The following TXLNB variants were observed in gnomAD, a reference collection of about 807,000 sequenced individuals.
TXLNB encodes beta-taxilin.
Under a neutral mutation model 57.4 loss-of-function variants are expected in TXLNB, and 37 were observed. That is an observed-to-expected ratio of 0.64 (90% CI 0.50 to 0.85). TXLNB has a LOEUF of 0.85. TXLNB is among the 40% of genes least tolerant of loss of function. The pLI, the probability that TXLNB is intolerant of heterozygous loss-of-function variation, is 0.00. For synonymous variants in TXLNB, 302 were observed against 309.6 expected, an observed-to-expected ratio of 0.98 and a Z score of 0.26; for missense variants, 848 against 825.6, an observed-to-expected ratio of 1.03 and a Z score of -0.33.
At chr6:139,318,371 A>G in the TXLNB span, among the ~76,000 whole-genome samples, 1 of 152,038 alleles carries the variant, frequency 6.6e-6, no homozygotes, top group East Asian at 1.9e-4. Context: ...AGATATATGA[A>G]AAGTGGTGAT....
chr6:139,322,312 C>T, the TXLNB span, among the ~76,000 whole-genome samples: 10 of 152,266 alleles, frequency 6.6e-5, no homozygotes, highest in Admixed American at 2.6e-4. Context: ...TTGTTGCATC[C>T]TCACATGGCA....
chr6:139,305,814 C>T, the TXLNB span, among the ~76,000 whole-genome samples: 8 of 152,194 alleles, frequency 5.3e-5, no homozygotes, highest in Middle Eastern at 6.8e-3. Flanking sequence ...GGGAAAGGAT[C>T]CAGATCCTCC....
At chr6:139,321,133 T>G in the TXLNB span, among the ~76,000 whole-genome samples, 4 of 152,204 alleles carry the variant, frequency 2.6e-5, no homozygotes, top group Admixed American at 2.6e-4. Flanking sequence ...AGCCTGTCAG[T>G]GTAGAAGTGC....
the TXLNB span, among the ~76,000 whole-genome samples, chr6:139,161,767 G>A: frequency 2.0e-5 from 3 of 152,324 alleles, no homozygotes; most frequent in East Asian, 5.8e-4. Context: ...TCTTGGGTTA[G>A]TAAAATTTGG....
chr6:139,234,831 C>A, the TXLNB span, among the ~76,000 whole-genome samples: 4 of 152,140 alleles, frequency 2.6e-5, no homozygotes, highest in Non-Finnish European at 4.4e-5. Context: ...GGTAGATCCA[C>A]CAACAGCCTG....
At chr6:139,256,762 T>C (rs772312029) in intron 6 of TXLNB, among the ~76,000 whole-genome samples, 3 of 152,250 alleles carry the variant, frequency 2.0e-5, no homozygotes, top group Non-Finnish European at 4.4e-5. Context: ...GCTTCTAACA[T>C]GCATCAGAAT....
At chr6:139,297,124 T>C in the TXLNB span, among the ~76,000 whole-genome samples, 1 of 152,148 alleles carries the variant, frequency 6.6e-6, no homozygotes, top group Non-Finnish European at 1.5e-5. Flanking sequence ...TTTACCACTA[T>C]GTATTGTGTT....
chr6:139,172,263 C>A, the TXLNB span, among the ~76,000 whole-genome samples: 2 of 152,194 alleles, frequency 1.3e-5, no homozygotes, highest in Non-Finnish European at 2.9e-5. Context: ...TGTGCCTAGC[C>A]TGATCATGTG....
chr6:139,198,359 C>T, the TXLNB span, among the ~76,000 whole-genome samples: 10 of 152,060 alleles, frequency 6.6e-5, no homozygotes, highest in African/African-American at 2.2e-4. Context: ...CTCCTTCTTG[C>T]TTCCTGGAAA....
At chr6:139,237,187 C>T (rs964150982), downstream of TXLNB, among the ~76,000 whole-genome samples, 1 of 152,076 alleles carries the variant, frequency 6.6e-6, no homozygotes, top group Non-Finnish European at 1.5e-5. Flanking sequence ...GATTTGAACT[C>T]TTTCACATTT....
the TXLNB span, chr6:139,179,937 A>G: frequency 6.6e-6 from 1 of 152,046 alleles, no homozygotes. Flanking sequence ...TATTTTTAAG[A>G]GTTTTATACC....
the TXLNB span, among the ~76,000 whole-genome samples, chr6:139,224,371 G>A: frequency 1.3e-5 from 2 of 150,838 alleles, no homozygotes; most frequent in African/African-American, 4.9e-5. Context: ...TGGGTGCAGT[G>A]CACCAGCATG....
In TXLNB at chr6:139,269,874, G is replaced by A. The variant is rs138528255; in HGVS notation, c.687+582C>T. ...GCTTACGCTGTAATTAATGAAACCC[G>A]TGCAGACCAAATGAAGTGATCAGTC... On this transcript the variant is annotated intron_variant, in intron 4 of 9. Coordinates refer to ENST00000358430, the MANE Select transcript of TXLNB (RefSeq NM_153235.4). Among the ~76,000 whole-genome samples, 7 of 152,228 alleles carry A rather than the reference G, an allele frequency of 4.6e-5. No homozygotes were observed. The East Asian group carries it at 9.6e-4, about 21-fold the overall frequency.
the TXLNB span, among the ~76,000 whole-genome samples, chr6:139,221,694 AT>A: frequency 1.3e-5 from 2 of 152,228 alleles, no homozygotes; most frequent in African/African-American, 4.8e-5. Context: ...CTATAAAAAA[AT>A]AAGATACAAT....
At chr6:139,207,749 A>C in the TXLNB span, among the ~76,000 whole-genome samples, 1 of 152,198 alleles carries the variant, frequency 6.6e-6, no homozygotes, top group Non-Finnish European at 1.5e-5. Flanking sequence ...CTAACTGAGA[A>C]AAGAAGAGAG....
At chr6:139,262,191 C>T (rs1416229073) in intron 5 of TXLNB, among the ~76,000 whole-genome samples, 1 of 152,140 alleles carries the variant, frequency 6.6e-6, no homozygotes, top group Non-Finnish European at 1.5e-5. Context: ...CAGGCGTGAG[C>T]CACCGCGCCT....
chr6:139,161,966 A>G, the TXLNB span, among the ~76,000 whole-genome samples: 1 of 152,198 alleles, frequency 6.6e-6, no homozygotes, highest in African/African-American at 2.4e-5. Context: ...GCTTCAGTAC[A>G]TCCAGGTCTG....
At chr6:139,291,457 A>G (rs191593775) in intron 1 of TXLNB, among the ~76,000 whole-genome samples, 47 of 152,358 alleles carry the variant, frequency 3.1e-4, no homozygotes, top group African/African-American at 1.1e-3. Context: ...AGATGCCACA[A>G]TCATTGATTT....
chr6:139,244,669 G>C lies in TXLNB; in HGVS notation c.1192C>G (p.Leu398Val), dbSNP rs532850255. Residue 398 changes from leucine to valine, a missense_variant, in exon 9 of 10, where the codon CTG becomes GTG. Coordinates refer to ENST00000358430, the MANE Select transcript of TXLNB (RefSeq NM_153235.4). Reference sequence around the variant, plus strand: ...TTCCATGTGGCTGTGTCCTTTTCCAGCTTCTTCATTTTCTTAGTTGTCTAC... The same window carrying C: ...TTCCATGTGGCTGTGTCCTTTTCCACCTTCTTCATTTTCTTAGTTGTCTAC... The part of the protein sequence containing the change: ...MDKTTKKMKK[L>V]EKDTATWKAR... The C allele has an allele frequency of 1.9e-6, 3 of 1,613,372 alleles. No homozygotes were observed. The highest frequency in any genetic ancestry group is 2.2e-5 in the East Asian group (1 of 44,858).
Sources: allele counts gnomAD v4.1 joint callset (sites outside exome capture counted in the v4.1 genomes callset), GRCh38; gene constraint gnomAD v4.1.1; transcripts MANE v1.5; gene names NCBI Gene and HGNC (gene_info 2026-07-23, HGNC 2026-07-21).